ANK1: variants seen among roughly 807,000 people sequenced by gnomAD.
ANK1 encodes the protein ankyrin-1.
ANK1 carries 51 observed loss-of-function variants against 210.4 expected under a neutral mutation model. The ratio of observed to expected loss-of-function variants is 0.24; its 90% confidence interval spans 0.19 to 0.31. ANK1 has a LOEUF of 0.31. Ranked by LOEUF, ANK1 falls within the 10% of genes least tolerant of loss-of-function variation. The pLI, the probability that ANK1 is intolerant of heterozygous loss-of-function variation, is 1.00. For synonymous variants in ANK1, 967 were observed against 1,025.9 expected (o/e 0.94, Z 1.10); for missense variants, 2,051 against 2,504.4 (o/e 0.82, Z 3.86).
chr8:41,805,572 C>G (rs77788808), intron 1 of ANK1, among the ~76,000 whole-genome samples: 3,045 of 152,138 alleles, frequency 0.02, 34 homozygotes, highest in African/African-American at 0.028. Context: ...TTAAATGTGA[C>G]TTATATCTAG....
intron 37 of ANK1, among the ~76,000 whole-genome samples, chr8:41,678,937 C>T (rs1815060116): frequency 6.6e-6 from 1 of 152,102 alleles, no homozygotes; most frequent in African/African-American, 2.4e-5. Context: ...GCGCCTGCCA[C>T]CTCACCCAGC....
intron 1 of ANK1, among the ~76,000 whole-genome samples, chr8:41,825,445 T>C (rs909142367): frequency 6.6e-6 from 1 of 152,226 alleles, no homozygotes; most frequent in African/African-American, 2.4e-5. Context: ...TGGCCTCCCA[T>C]GTCCACCGTA....
chr8:41,808,533 C>T (rs1323864730), intron 1 of ANK1, among the ~76,000 whole-genome samples: 5 of 151,946 alleles, frequency 3.3e-5, no homozygotes, highest in Middle Eastern at 3.2e-3. Flanking sequence ...GGTGTGGTGG[C>T]GGCCACCTGT....
At chr8:41,722,107 T>C (rs1441064814) in intron 9 of ANK1, among the ~76,000 whole-genome samples, 1 of 152,160 alleles carries the variant, frequency 6.6e-6, no homozygotes, top group Non-Finnish European at 1.5e-5. Context: ...CCAATAATCC[T>C]AGGAGAGAGG....
intron 2 of ANK1, among the ~76,000 whole-genome samples, chr8:41,752,118 A>AC (rs1837852149): frequency 6.6e-6 from 1 of 151,874 alleles, no homozygotes; most frequent in African/African-American, 2.4e-5. Flanking sequence ...CTCCCTAGAG[A>AC]GCCCTCCCAA....
intron 37 of ANK1, among the ~76,000 whole-genome samples, chr8:41,677,994 T>TCAC (rs1814749582): frequency 6.6e-6 from 1 of 152,182 alleles, no homozygotes; most frequent in African/African-American, 2.4e-5. Context: ...ATTTTTCTCT[T>TCAC]CACCACTGGT....
At chr8:41,772,514 C>T (rs1252281760) in intron 1 of ANK1, among the ~76,000 whole-genome samples, 1 of 152,170 alleles carries the variant, frequency 6.6e-6, no homozygotes, top group Non-Finnish European at 1.5e-5. Flanking sequence ...ACTGATCTTG[C>T]TTCAACACTG....
chr8:41,803,730 C>T (rs1323368470), intron 1 of ANK1, among the ~76,000 whole-genome samples: 2 of 151,858 alleles, frequency 1.3e-5, no homozygotes, highest in African/African-American at 4.8e-5. Context: ...AGGAAGTTAG[C>T]TTCTAGTCTC....
intron 38 of ANK1, 142 bp from the exon 39 acceptor site, chr8:41,668,706 C>T (rs564304627): frequency 5.2e-6 from 5 of 969,118 alleles, no homozygotes; most frequent in East Asian, 5.3e-5. Context: ...CCCATCCCTC[C>T]AAAGGTCAGG....
intron 37 of ANK1, among the ~76,000 whole-genome samples, chr8:41,683,141 A>T (rs1816637941): frequency 1.3e-5 from 2 of 152,190 alleles, no homozygotes; most frequent in African/African-American, 4.8e-5. Context: ...TACACCCAGG[A>T]CATGGCCATG....
chr8:41,704,003 G>T lies in ANK1; in HGVS notation c.2295+38C>A. ...GTTCACACAGGGCTGCTGCCATGGG[G>T]AGCAGTTTTCTAAACTCAGGAGAGA... On this transcript the variant is annotated intron_variant, in intron 20 of 42. Coordinates refer to ENST00000289734, the MANE Select transcript of ANK1 (RefSeq NM_000037.4). The surrounding 1 kb of genome is among the most constrained non-coding windows in gnomAD (Gnocchi z 4.1). 7 of 1,567,030 alleles carry T rather than the reference G, an allele frequency of 4.5e-6. No homozygotes were observed. Among genetic ancestry groups the T allele is most frequent in the Non-Finnish European group, 6.2e-6 (7 of 1,137,712 alleles).
intron 1 of ANK1, among the ~76,000 whole-genome samples, chr8:41,808,615 A>C (rs1394038631): frequency 6.6e-6 from 1 of 152,096 alleles, no homozygotes; most frequent in African/African-American, 2.4e-5. Context: ...CAGTGAGTCA[A>C]TATCGTGCCC....
At chr8:41,790,144 CTTT>C (rs112954712) in intron 1 of ANK1, among the ~76,000 whole-genome samples, 2 of 136,952 alleles carry the variant, frequency 1.5e-5, no homozygotes. Flanking sequence ...GGAAAGGAAT[CTTT>C]TTTTTTTTTT....
At position 41,655,660 on chromosome 8, in the gene ANK1, G is replaced by T; in HGVS notation, c.*130C>A. 6.4e-7 allele frequency: 1 copy of T among 1,565,468 alleles called. No individual in the cohort carries two copies. The highest frequency in any genetic ancestry group is 2.2e-5 in the East Asian group (1 of 44,622). Reference sequence around the variant, plus strand: ...GGTCATGCCGTCAGCCCAGAGGAATGTGTGCACCGCTGCGGTGGCCCTCAG... The same window carrying T: ...GGTCATGCCGTCAGCCCAGAGGAATTTGTGCACCGCTGCGGTGGCCCTCAG... On this transcript the variant is annotated 3_prime_UTR_variant, in exon 43 of 43. Transcript: ENST00000289734.
chr8:41,834,944 G>C (rs981208853), intron 1 of ANK1, among the ~76,000 whole-genome samples: 1 of 152,210 alleles, frequency 6.6e-6, no homozygotes, highest in Non-Finnish European at 1.5e-5. Flanking sequence ...CCCGCTGCCC[G>C]GGAGAAGCTG....
At chr8:41,754,526 T>C (rs1838599795) in intron 2 of ANK1, among the ~76,000 whole-genome samples, 1 of 152,244 alleles carries the variant, frequency 6.6e-6, no homozygotes, top group South Asian at 2.1e-4. Context: ...TTTGAAAGTG[T>C]GTTACTTATG....
chr8:41,863,368 A>T (rs1813680478), intron 1 of ANK1, among the ~76,000 whole-genome samples: 1 of 152,214 alleles, frequency 6.6e-6, no homozygotes, highest in African/African-American at 2.4e-5. Flanking sequence ...CATTAAAAAA[A>T]AAGAAAAAAA....
intron 23 of ANK1, 127 bp downstream of exon 23, chr8:41,699,325 G>C: frequency 1.1e-6 from 1 of 890,760 alleles, no homozygotes; most frequent in South Asian, 1.3e-5. Context: ...GGTGCAAACC[G>C]TCTCTCTCTG....
At chr8:41,786,307 C>T (rs1368691364) in intron 1 of ANK1, among the ~76,000 whole-genome samples, 1 of 152,010 alleles carries the variant, frequency 6.6e-6, no homozygotes, top group Non-Finnish European at 1.5e-5. Flanking sequence ...CTGGGTGTTG[C>T]CCCTGAGCCC....
Sources: gnomAD v4.1 joint callset for allele counts (sites outside exome capture counted in the v4.1 genomes callset) on GRCh38, gnomAD v4.1.1 for gene constraint, Gnocchi (gnomAD v3.1) non-coding constraint, MANE v1.5 for transcripts, NCBI Gene and HGNC (gene_info 2026-07-23, HGNC 2026-07-21) for gene names.